The following ZNF746 variants were observed in gnomAD, a reference collection of about 807,000 sequenced individuals.
ZNF746 encodes zinc finger protein 746, also known as parkin-interacting substrate.
ZNF746 carries 13 observed loss-of-function variants against 41.0 expected under a neutral mutation model. The observed-to-expected ratio is 0.32, with a 90% CI of 0.21 to 0.50. The LOEUF (loss-of-function observed/expected upper bound fraction) is 0.50. ZNF746 is among the 20% of genes least tolerant of loss of function. ZNF746 has a pLI of 0.98. For missense variants in ZNF746, 811 were observed against 922.9 expected (o/e 0.88, Z 1.57); for synonymous variants, 424 against 396.2 (o/e 1.07, Z -0.83).
In ZNF746 at chr7:149,497,217, G is replaced by T; in HGVS notation, c.24+296C>A. 1.0e-6 allele frequency: 1 copy of T among 984,212 alleles called. No individual in the cohort carries two copies. The highest frequency in any genetic ancestry group is 1.2e-6 in the Non-Finnish European group (1 of 828,832). 61.0% of individuals were successfully genotyped at this position (984,212 alleles called of 1,614,324 possible). ...CGGGTGGGGGGGCACCCAGAAGGAG[G>T]GGACAGCGGCTGGGGCGGGGGCAGG... On this transcript the variant is annotated intron_variant, in intron 1 of 6. Coordinates refer to ENST00000458143, the MANE Select transcript of ZNF746 (RefSeq NM_001394198.1). The surrounding 1 kb of genome is among the most constrained non-coding windows in gnomAD (Gnocchi z 4.2).
At chr7:149,480,243 A>C (rs1270486000) in intron 4 of ZNF746, among the ~76,000 whole-genome samples, 1 of 152,226 alleles carries the variant, frequency 6.6e-6, no homozygotes, top group Non-Finnish European at 1.5e-5. Context: ...CATGAACTGG[A>C]GAATATGACC....
Position 149,474,908 on chromosome 7 carries a change from G to A in ZNF746, c.1459C>T (p.His487Tyr). The part of the protein sequence containing the change: ...SFQLQVSLSA[H>Y]QRSCGAPDGS... ...TCGGGCGCCCCACAGCTGCGCTGGT[G>A]CGCGCTCAGGCTGACTTGCAGCTGG... The change falls in exon 7 of 7, where the codon CAC (histidine) becomes TAC (tyrosine). Residue 487 changes from histidine to tyrosine, a missense_variant. By Grantham distance (83) the His-to-Tyr change is moderately conservative. Transcript: ENST00000458143. The surrounding 1 kb of genome is among the most constrained non-coding windows in gnomAD (Gnocchi z 6.3). 1 of 1,537,988 alleles carries A rather than the reference G, an allele frequency of 6.5e-7. No individual in the cohort carries two copies.
At position 149,475,026 on chromosome 7, in the gene ZNF746, G is replaced by A. The variant is rs1392723977; in HGVS notation, c.1341C>T (p.Thr447=). 6.4e-7 allele frequency: 1 copy of A among 1,556,704 alleles called. No individual in the cohort carries two copies. Among genetic ancestry groups the A allele is most frequent in the Non-Finnish European group, 8.7e-7 (1 of 1,150,482 alleles). Residue 447 remains threonine, a synonymous_variant, in exon 7 of 7, where the codon ACC becomes ACT. Coordinates refer to ENST00000458143, the MANE Select transcript of ZNF746 (RefSeq NM_001394198.1). The stretch of plus-strand genomic sequence containing the variant: ...GCCCTGGCTTGTGGCCAAAGCCTTT[G>A]GTCCGGCCAGGGTATTTACAGGGTT... ...FNEPCKYPGR[T]KGFGHKPGLK...
In ZNF746 at chr7:149,480,728, G is replaced by A. The variant is rs546653929; in HGVS notation, c.566-2973C>T. Among the ~76,000 whole-genome samples, 620 of 152,220 alleles carry A rather than the reference G, an allele frequency of 4.1e-3. 2 individuals are homozygous for A. Among genetic ancestry groups the A allele is most frequent in the Non-Finnish European group, 6.7e-3 (456 of 68,004 alleles). On this transcript the variant is annotated intron_variant, in intron 4 of 6. Coordinates refer to ENST00000458143, the MANE Select transcript of ZNF746 (RefSeq NM_001394198.1). The stretch of plus-strand genomic sequence containing the variant: ...TAGGATTACAGGCGTGAGCTACCGC[G>A]CCTGGCTAATAACTGAAATTTTAAA...
rs1273458083 is a variant in ZNF746 at position 149,477,753 on chromosome 7, A to C, written c.568T>G (p.Ser190Ala). Residue 190 changes from serine to alanine, a missense_variant and splice_region_variant, in exon 5 of 7, where the codon TCG becomes GCG. Coordinates refer to ENST00000458143, the MANE Select transcript of ZNF746 (RefSeq NM_001394198.1). Reference protein sequence around the residue: ...PDVPVDPSPGSGPPVPAPDLL... With the variant: ...PDVPVDPSPGAGPPVPAPDLL... ...TCTGGGGCGGGAACTGGGGGCCCCG[A>C]GCCTAGGAAAGGGAGTGAGTGTGAG... 2.5e-6 allele frequency: 4 copies of C among 1,601,898 alleles called. No homozygotes were observed. The highest frequency in any genetic ancestry group is 3.4e-6 in the Non-Finnish European group (4 of 1,171,920).
chr7:149,476,777 G>A, intron 6 of ZNF746, 145 bp downstream of exon 6: 2 of 1,088,648 alleles, frequency 1.8e-6, no homozygotes, highest in Non-Finnish European at 2.8e-6. Context: ...ATAACAGAAT[G>A]TGCAAAGGGT....
At chr7:149,490,011 C>T (rs1800750622) in intron 4 of ZNF746, 1 of 152,278 alleles carries the variant, frequency 6.6e-6, no homozygotes, top group Non-Finnish European at 1.5e-5. Context: ...GGGTAGAGGT[C>T]AAGGCAGGAT....
In ZNF746 at chr7:149,494,085, A is replaced by ACATCATCAAAGGT; in HGVS notation, c.354_355insACCTTTGATGATG (p.Tyr119ThrfsTer50). On this transcript the variant is annotated frameshift_variant, in exon 3 of 7. Coordinates refer to ENST00000458143, the MANE Select transcript of ZNF746 (RefSeq NM_001394198.1). LOFTEE classifies it high-confidence loss of function. The surrounding 1 kb of genome is among the most constrained non-coding windows in gnomAD (Gnocchi z 5.6). ...TTGCCCCACTCCTGCTCGGAGAAAT[A>ACATCATCAAAGGT]CACGGCCACATCATCAAAGGTCACG... 1 of 1,614,136 alleles carries ACATCATCAAAGGT rather than the reference A, an allele frequency of 6.2e-7. No individual in the cohort carries two copies. Among genetic ancestry groups the ACATCATCAAAGGT allele is most frequent in the Non-Finnish European group, 8.5e-7 (1 of 1,180,034 alleles).
intron 4 of ZNF746, among the ~76,000 whole-genome samples, chr7:149,483,210 G>A (rs903980129): frequency 3.9e-5 from 6 of 152,002 alleles, no homozygotes; most frequent in Non-Finnish European, 8.8e-5. Flanking sequence ...AAAATTAGAA[G>A]GTATCTGGAA....
rs762421443 is a variant in ZNF746, at chr7:149,477,751, C to T, written c.570G>A (p.Ser190=). 25 of 1,602,198 alleles carry T rather than the reference C, an allele frequency of 1.6e-5. No individual in the cohort carries two copies. The highest frequency in any genetic ancestry group is 3.3e-5 in the South Asian group (3 of 90,354). ...GGTCTGGGGCGGGAACTGGGGGCCC[C>T]GAGCCTAGGAAAGGGAGTGAGTGTG... is the stretch of plus-strand genomic sequence containing the variant. ...PDVPVDPSPG[S]GPPVPAPDLL... The change falls in exon 5 of 7, where the codon TCG becomes TCA. Residue 190 remains serine (S), a synonymous_variant. Transcript: ENST00000458143.
rs1800254818 is a variant in ZNF746 at position 149,475,195 on chromosome 7, C to T, written c.1172G>A (p.Gly391Glu). 6.2e-7 allele frequency: 1 copy of T among 1,612,850 alleles called. No homozygotes were observed. Among genetic ancestry groups the T allele is most frequent in the Non-Finnish European group, 8.5e-7 (1 of 1,179,814 alleles). ...EETPPGDWLF[G>E]GVRWGWNFRC... ...GAAATTCCAGCCCCACCGGACCCCT[C>T]CGAAGAGCCAGTCCCCAGGAGGGGT... The change falls in exon 7 of 7, where the codon GGA (glycine) becomes GAA (glutamate). Residue 391 changes from glycine (G) to glutamate (E), a missense_variant. By Grantham distance (98) the Gly-to-Glu change is moderately conservative (BLOSUM62 -2). Transcript: ENST00000458143.
intron 6 of ZNF746, 34 bp from the exon 7 acceptor site, chr7:149,475,517 C>T (rs776052426): frequency 1.5e-5 from 24 of 1,569,358 alleles, no homozygotes; most frequent in Non-Finnish European, 2.1e-5. Context: ...ACTGACCTGT[C>T]CCTTAACTGC....
At chr7:149,475,850 C>G (rs909744759) in intron 6 of ZNF746, among the ~76,000 whole-genome samples, 14 of 152,206 alleles carry the variant, frequency 9.2e-5, no homozygotes, top group African/African-American at 3.4e-4. Context: ...GGCCACACAC[C>G]AGCTGTGGGC....
chr7:149,477,883 AGG>A (rs1779180740), intron 4 of ZNF746, 128 bp from the exon 5 acceptor site: 1 of 740,082 alleles, frequency 1.4e-6, no homozygotes, highest in African/African-American at 1.8e-5. Context: ...CCTGGTGGGA[AGG>A]GAGGCAGCAG....
At chr7:149,487,054 C>T (rs866086919) in intron 4 of ZNF746, among the ~76,000 whole-genome samples, 1 of 152,190 alleles carries the variant, frequency 6.6e-6, no homozygotes, top group African/African-American at 2.4e-5. Flanking sequence ...GACTGAGCTA[C>T]GCCTCCTGCC....
rs775576978 is a variant in ZNF746, at chr7:149,477,066, A to AGAGCC, written c.758-24_758-20dup. ...TGGACACCTGCGGTAAGGGGAGAGC[A>AGAGCC]GAGCCGGTGGGTTAGGGGACGGACG... On this transcript the variant is annotated intron_variant, in intron 5 of 6. Transcript: ENST00000458143. 9 of 1,607,710 alleles carry AGAGCC rather than the reference A, an allele frequency of 5.6e-6. No homozygotes were observed. The African/African-American group carries it at 1.1e-4, about 19-fold the overall frequency.
rs769593400 is a variant in ZNF746, at chr7:149,477,736, G to A, written c.585C>T (p.Pro195=). The change falls in exon 5 of 7, where the codon CCC becomes CCT. Residue 195 remains proline, a synonymous_variant. Transcript: ENST00000458143. ...DPSPGSGPPV[P]APDLLMQIKQ... The stretch of plus-strand genomic sequence containing the variant: ...TGATCTGCATCAAGAGGTCTGGGGC[G>A]GGAACTGGGGGCCCCGAGCCTAGGA... 1.7e-4 allele frequency: 266 copies of A among 1,606,504 alleles called. No individual in the cohort carries two copies. In the Middle Eastern group the frequency reaches 1.9e-3, roughly 11 times the overall value.
In ZNF746 at chr7:149,497,142, G is replaced by A; in HGVS notation, c.24+371C>T. The A allele has an allele frequency of 1.0e-6, 1 of 985,362 alleles. No individual in the cohort carries two copies. The highest frequency in any genetic ancestry group is 1.2e-6 in the Non-Finnish European group (1 of 829,916). 61.0% of individuals were successfully genotyped at this position (985,362 alleles called of 1,614,324 possible). A position where few individuals can be genotyped will look rare whatever the true frequency, so the allele number is the denominator to read the frequency against. On this transcript the variant is annotated intron_variant, in intron 1 of 6. Transcript: ENST00000458143. The surrounding 1 kb of genome is among the most constrained non-coding windows in gnomAD (Gnocchi z 4.2). ...CCAGGTGCCACCAGGCCGCTGCGGG[G>A]GAGATGGAGAGGGACCTACAGGCCG...
intron 4 of ZNF746, chr7:149,491,528 T>TC (rs1208988376): frequency 3.5e-6 from 1 of 289,596 alleles, no homozygotes; most frequent in African/African-American, 2.1e-5. Context: ...TTCAGCACTG[T>TC]CCTTGACGCC....
Sources: gnomAD v4.1 joint callset for allele counts (sites outside exome capture counted in the v4.1 genomes callset) on GRCh38, gnomAD v4.1.1 for gene constraint, Gnocchi (gnomAD v3.1) non-coding constraint, MANE v1.5 for transcripts, NCBI Gene and HGNC (gene_info 2026-07-23, HGNC 2026-07-21) for gene names.